The following GRIN2A variants were observed in gnomAD, a reference collection of about 807,000 sequenced individuals.
GRIN2A encodes glutamate receptor ionotropic, NMDA 2A.
GRIN2A carries 22 observed loss-of-function variants against 113.4 expected under a neutral mutation model. The observed-to-expected ratio is 0.19, with a 90% CI of 0.14 to 0.28. The LOEUF (loss-of-function observed/expected upper bound fraction) is 0.28, where lower values mean the gene tolerates loss of function less well. GRIN2A is among the 10% of genes least tolerant of loss of function. The pLI, the probability that GRIN2A is intolerant of heterozygous loss-of-function variation, is 1.00. For synonymous variants in GRIN2A, 827 were observed against 738.4 expected, an observed-to-expected ratio of 1.12 and a Z score of -1.94; for missense variants, 1,502 against 1,887.0, an observed-to-expected ratio of 0.80 and a Z score of 3.78.
chr16:10,055,719 G>A (rs1249052206), intron 2 of GRIN2A, among the ~76,000 whole-genome samples: 1 of 152,154 alleles, frequency 6.6e-6, no homozygotes, highest in Non-Finnish European at 1.5e-5. Context: ...TAAGATAAAA[G>A]CTTCAACAGA....
rs190578377 is a variant in GRIN2A at position 9,821,732 on chromosome 16, G to A, written c.2168+532C>T. Among the ~76,000 whole-genome samples, 366 of 152,284 alleles carry A rather than the reference G, an allele frequency of 2.4e-3. 1 individual carries two copies. Among genetic ancestry groups the A allele is most frequent in the Non-Finnish European group, 4.1e-3 (277 of 68,026 alleles). On this transcript the variant is annotated intron_variant, in intron 10 of 12. Coordinates refer to ENST00000330684, the MANE Select transcript of GRIN2A (RefSeq NM_001134407.3). ...TTACATCTTCAGCTATGGAGTCTGT[G>A]TTACACTCCACAATGCCAACAGACA... is the stretch of plus-strand genomic sequence containing the variant.
chr16:10,037,974 G>C (rs1043214355), intron 2 of GRIN2A, among the ~76,000 whole-genome samples: 22 of 152,164 alleles, frequency 1.4e-4, no homozygotes, highest in Non-Finnish European at 5.9e-5. Context: ...GACAAACCCA[G>C]CTGTCTGCAG....
intron 12 of GRIN2A, 103 bp downstream of exon 12, chr16:9,768,748 G>T (rs893177291): frequency 4.9e-6 from 4 of 824,130 alleles, no homozygotes; most frequent in Non-Finnish European, 8.6e-6. Context: ...CCCAAGAAAG[G>T]CTGGTAAGGG....
intron 11 of GRIN2A, among the ~76,000 whole-genome samples, chr16:9,775,017 C>T (rs1216386623): frequency 6.6e-6 from 1 of 152,176 alleles, no homozygotes; most frequent in Admixed American, 6.5e-5. Flanking sequence ...TCAGCACTTC[C>T]AGAGGAACTG....
Position 9,984,060 on chromosome 16 carries a change from A to G in GRIN2A, c.415-45509T>C, listed in dbSNP as rs527906804. ...TTTCTCCACATCCTTGCCAGTATTT[A>G]CTTTTTGTATTTTTGATAATATCTT... On this transcript the variant is annotated intron_variant, in intron 2 of 12. Coordinates refer to ENST00000330684, the MANE Select transcript of GRIN2A (RefSeq NM_001134407.3). 2.0e-5 allele frequency among the ~76,000 whole-genome samples: 3 copies of G among 152,258 alleles called. No homozygotes were observed. The South Asian group carries it at 6.2e-4, about 32-fold the overall frequency.
At chr16:10,060,374 C>A (rs2047530794) in intron 2 of GRIN2A, among the ~76,000 whole-genome samples, 1 of 152,158 alleles carries the variant, frequency 6.6e-6, no homozygotes, top group Admixed American at 6.5e-5. Flanking sequence ...TGTTTAGCCC[C>A]TACTGTGACC....
intron 2 of GRIN2A, among the ~76,000 whole-genome samples, chr16:9,939,338 A>G (rs2044799722): frequency 1.3e-5 from 2 of 152,182 alleles, no homozygotes; most frequent in African/African-American, 4.8e-5. Context: ...AGATGAATGC[A>G]TCATGGCACC....
intron 2 of GRIN2A, among the ~76,000 whole-genome samples, chr16:10,065,159 C>A (rs1023929059): frequency 2.0e-5 from 3 of 152,182 alleles, no homozygotes; most frequent in African/African-American, 4.8e-5. Context: ...AAGTTCTGTA[C>A]TTTATTTTAA....
intron 2 of GRIN2A, among the ~76,000 whole-genome samples, chr16:10,032,962 C>T (rs749637842): frequency 1.1e-4 from 16 of 152,126 alleles, no homozygotes; most frequent in Non-Finnish European, 1.9e-4. Flanking sequence ...GAGAGTTTCT[C>T]GAACCCATGA....
At chr16:10,101,069 C>T (rs1002436140) in intron 2 of GRIN2A, among the ~76,000 whole-genome samples, 8 of 152,226 alleles carry the variant, frequency 5.3e-5, no homozygotes, top group Non-Finnish European at 7.3e-5. Context: ...GAGCAGTCCT[C>T]AGCCAGTGAC....
At chr16:9,967,406 T>C (rs1303361971) in intron 2 of GRIN2A, among the ~76,000 whole-genome samples, 1 of 152,088 alleles carries the variant, frequency 6.6e-6, no homozygotes, top group Non-Finnish European at 1.5e-5. Context: ...GATGCAAAGG[T>C]ATAAGAATGA....
At chr16:9,874,412 T>C (rs1567363205) in intron 4 of GRIN2A, among the ~76,000 whole-genome samples, 1 of 152,206 alleles carries the variant, frequency 6.6e-6, no homozygotes, top group Non-Finnish European at 1.5e-5. Flanking sequence ...TTTGCATACA[T>C]CTCAGTGGGA....
At chr16:9,886,569 C>T (rs1382963542) in intron 4 of GRIN2A, among the ~76,000 whole-genome samples, 2 of 152,142 alleles carry the variant, frequency 1.3e-5, no homozygotes, top group Non-Finnish European at 2.9e-5. Context: ...CAGCCGACTC[C>T]ATCTCCATAT....
At chr16:9,793,391 A>G (rs777433963) in intron 11 of GRIN2A, among the ~76,000 whole-genome samples, 6 of 152,058 alleles carry the variant, frequency 3.9e-5, no homozygotes, top group Non-Finnish European at 7.4e-5. Context: ...CCCCACAATC[A>G]TTTTTTTGAA....
chr16:9,824,577 C>T (rs557450144), intron 9 of GRIN2A, among the ~76,000 whole-genome samples: 44 of 152,286 alleles, frequency 2.9e-4, no homozygotes, highest in South Asian at 2.5e-3. Context: ...TGATGGTTTC[C>T]GTGCTTCTCT....
intron 8 of GRIN2A, among the ~76,000 whole-genome samples, chr16:9,832,043 T>C (rs2042504436): frequency 6.6e-6 from 1 of 152,060 alleles, no homozygotes; most frequent in Non-Finnish European, 1.5e-5. Context: ...CTCAGCCTTC[T>C]GAGTAGCCGG....
rs9923083 is a variant in GRIN2A at position 9,970,823 on chromosome 16, G to A, written c.415-32272C>T. On this transcript the variant is annotated intron_variant, in intron 2 of 12. Transcript: ENST00000330684. ...AATATAGTTCCTTCCCCTGAGAAAC[G>A]CAGACTGGTTGGTGAGACAGACAAA... The A allele has an allele frequency of 1.4e-3, 629 of 443,292 alleles. 3 individuals are homozygous for A. The highest frequency in any genetic ancestry group is 0.012 in the African/African-American group (583 of 47,020). The allele number at this position is 443,292 out of a possible 1,614,324, so 27.5% of individuals were successfully genotyped here.
intron 2 of GRIN2A, among the ~76,000 whole-genome samples, chr16:9,952,127 G>T (rs1372863099): frequency 6.6e-6 from 1 of 152,088 alleles, no homozygotes; most frequent in Non-Finnish European, 1.5e-5. Context: ...GGGTTCACTG[G>T]CCTCCAAGCC....
chr16:9,828,871 C>T (rs1415032217), intron 9 of GRIN2A, among the ~76,000 whole-genome samples: 2 of 152,194 alleles, frequency 1.3e-5, no homozygotes, highest in Non-Finnish European at 2.9e-5. Context: ...AAACTCTCTG[C>T]TCCTTTTGTG....
Sources: allele counts gnomAD v4.1 joint callset (sites outside exome capture counted in the v4.1 genomes callset), GRCh38; gene constraint gnomAD v4.1.1; transcripts MANE v1.5; gene names NCBI Gene and HGNC (gene_info 2026-07-23, HGNC 2026-07-21).